Variants in TENM3 observed in about 807,000 individuals in gnomAD.
TENM3 encodes the protein teneurin transmembrane protein 3.
In TENM3, 63 loss-of-function variants were observed where a neutral mutation model predicts 255.1. The ratio of observed to expected loss-of-function variants is 0.25; its 90% confidence interval spans 0.20 to 0.30. The LOEUF (loss-of-function observed/expected upper bound fraction) is 0.30, where lower values mean the gene tolerates loss of function less well. TENM3 is among the 10% of genes least tolerant of loss of function. The pLI is 1.00. For missense variants in TENM3, 2,929 were observed against 3,461.1 expected, an observed-to-expected ratio of 0.85 and a Z score of 3.86; for synonymous variants, 1,306 against 1,322.3, an observed-to-expected ratio of 0.99 and a Z score of 0.27.
chr4:182,435,242 A>G (rs1771959858), intron 3 of TENM3, among the ~76,000 whole-genome samples: 1 of 152,170 alleles, frequency 6.6e-6, no homozygotes, highest in Non-Finnish European at 1.5e-5. Flanking sequence ...CCAGACCACT[A>G]CAGAGAGCTA....
intron 19 of TENM3, among the ~76,000 whole-genome samples, chr4:182,748,584 T>C (rs1345832839): frequency 3.9e-5 from 6 of 152,184 alleles, no homozygotes; most frequent in Non-Finnish European, 5.9e-5. Context: ...GATTCAGAGC[T>C]TCACTGCCAC....
At chr4:182,557,671 G>A (rs1742707680) in intron 3 of TENM3, among the ~76,000 whole-genome samples, 1 of 152,092 alleles carries the variant, frequency 6.6e-6, no homozygotes, top group Admixed American at 6.6e-5. Flanking sequence ...TTTTGGAGTT[G>A]AAGTTCAGAC....
chr4:182,241,172 T>C (rs1757229951), upstream of TENM3, among the ~76,000 whole-genome samples: 1 of 152,224 alleles, frequency 6.6e-6, no homozygotes, highest in Non-Finnish European at 1.5e-5. Context: ...ATAGCTTCTC[T>C]CTGGTTTACC....
In TENM3 at chr4:182,735,305, G is replaced by A. The variant is rs990846473; in HGVS notation, c.2968-1503G>A. On this transcript the variant is annotated intron_variant, in intron 16 of 27. Transcript: ENST00000511685. ...ACTGTACTGTACTGTACCACATCGC[G>A]TCCCTCTTCATGCCAACACTGACTG... is the stretch of plus-strand genomic sequence containing the variant. Among the ~76,000 whole-genome samples the A allele has an allele frequency of 6.6e-5, 10 of 152,208 alleles. No individual in the cohort carries two copies. In the East Asian group the frequency reaches 9.7e-4, roughly 15 times the overall value.
At chr4:181,709,808 G>GTAGC in the TENM3 span, among the ~76,000 whole-genome samples, 1 of 152,332 alleles carries the variant, frequency 6.6e-6, no homozygotes, top group Non-Finnish European at 1.5e-5. Flanking sequence ...ATTTTTTGAA[G>GTAGC]TAGCGTTCAG....
rs147076817 is a variant in TENM3 at position 182,491,389 on chromosome 4, A to ATG, written c.512-109519_512-109518dup. ...TACTTTAAAAATTGCAGTGAAATTTATGTGTGTGTGTGTGTGTCTTTTGTA... is the reference window on the plus strand; with the variant it reads ...TACTTTAAAAATTGCAGTGAAATTTATGTGTGTGTGTGTGTGTGTCTTTTGTA... On this transcript the variant is annotated intron_variant, in intron 3 of 27. Coordinates refer to ENST00000511685, the MANE Select transcript of TENM3 (RefSeq NM_001080477.4). 5.9e-4 allele frequency among the ~76,000 whole-genome samples: 89 copies of ATG among 150,906 alleles called. 1 individual carries two copies. The highest frequency in any genetic ancestry group is 2.1e-3 in the South Asian group (10 of 4,758).
chr4:182,235,627 G>A (rs1055019000), intron 1 of TENM3, among the ~76,000 whole-genome samples: 3 of 151,990 alleles, frequency 2.0e-5, no homozygotes. Context: ...ACACACGGGA[G>A]CCATCTCTCA....
intron 3 of TENM3, among the ~76,000 whole-genome samples, chr4:182,483,223 A>G (rs1352281507): frequency 1.3e-5 from 2 of 152,166 alleles, no homozygotes; most frequent in Non-Finnish European, 2.9e-5. Flanking sequence ...GTTTGTCTCT[A>G]TGGCACATTA....
At chr4:182,583,032 G>A (rs527736951) in intron 3 of TENM3, among the ~76,000 whole-genome samples, 2 of 152,120 alleles carry the variant, frequency 1.3e-5, no homozygotes, top group South Asian at 4.1e-4. Flanking sequence ...TAAGAATGTC[G>A]ATCTTAATGT....
At chr4:181,979,552 C>T in the TENM3 span, among the ~76,000 whole-genome samples, 1 of 152,158 alleles carries the variant, frequency 6.6e-6, no homozygotes, top group Non-Finnish European at 1.5e-5. Context: ...CTACCCAGGT[C>T]TCTTGTGCAC....
At chr4:182,702,370 A>G (rs918411686) in intron 12 of TENM3, among the ~76,000 whole-genome samples, 8 of 152,194 alleles carry the variant, frequency 5.3e-5, no homozygotes, top group African/African-American at 1.4e-4. Flanking sequence ...ATGGAGCAGA[A>G]TGGACCCTGG....
the TENM3 span, among the ~76,000 whole-genome samples, chr4:181,844,261 T>TG: frequency 6.6e-6 from 1 of 152,120 alleles, no homozygotes; most frequent in Non-Finnish European, 1.5e-5. Context: ...GTATGAACTT[T>TG]GGGGGGACAC....
At chr4:181,729,201 T>G in the TENM3 span, among the ~76,000 whole-genome samples, 2 of 152,230 alleles carry the variant, frequency 1.3e-5, no homozygotes, top group African/African-American at 4.8e-5. Flanking sequence ...TGAGAAGTTA[T>G]TTCTCGCTGA....
chr4:181,669,786 A>G, the TENM3 span, among the ~76,000 whole-genome samples: 1 of 152,152 alleles, frequency 6.6e-6, no homozygotes, highest in Admixed American at 6.6e-5. Context: ...GGGTCCACCG[A>G]TGAAGCCCAC....
At chr4:182,626,858 GT>G (rs1361529649) in intron 4 of TENM3, among the ~76,000 whole-genome samples, 3 of 152,056 alleles carry the variant, frequency 2.0e-5, no homozygotes, top group Non-Finnish European at 4.4e-5. Context: ...ATTAGCTCTA[GT>G]CTCTAAAAGC....
chr4:182,626,913 A>AT (rs1036166088), intron 4 of TENM3, among the ~76,000 whole-genome samples: 8 of 151,758 alleles, frequency 5.3e-5, no homozygotes, highest in African/African-American at 1.9e-4. Flanking sequence ...CATTAGTGCC[A>AT]TTTTTTTTAC....
chr4:181,991,187 G>C, the TENM3 span, among the ~76,000 whole-genome samples: 5 of 152,176 alleles, frequency 3.3e-5, no homozygotes, highest in African/African-American at 1.2e-4. Flanking sequence ...CACTTAGGAA[G>C]AAAAAATGCT....
intron 16 of TENM3, among the ~76,000 whole-genome samples, chr4:182,734,121 A>T (rs896987635): frequency 2.6e-5 from 4 of 152,240 alleles, no homozygotes; most frequent in Non-Finnish European, 5.9e-5. Context: ...GAAGAATGAT[A>T]CAAGTTCAAA....
intron 3 of TENM3, among the ~76,000 whole-genome samples, chr4:182,524,044 C>T (rs1236974520): frequency 2.6e-5 from 4 of 152,174 alleles, no homozygotes; most frequent in African/African-American, 9.7e-5. Context: ...CAGTCCCTTT[C>T]ATATCACTCC....
Sources: allele counts gnomAD v4.1 joint callset (sites outside exome capture counted in the v4.1 genomes callset), GRCh38; gene constraint gnomAD v4.1.1; transcripts MANE v1.5; gene names NCBI Gene and HGNC (gene_info 2026-07-23, HGNC 2026-07-21).